The following SHANK2 variants were observed in gnomAD, a reference collection of about 807,000 sequenced individuals.
SHANK2 encodes SH3 and multiple ankyrin repeat domains protein 2.
Under a neutral mutation model 133.7 loss-of-function variants are expected in SHANK2, and 43 were observed. The ratio of observed to expected loss-of-function variants is 0.32; its 90% CI spans 0.25 to 0.41. SHANK2 has a LOEUF of 0.41. SHANK2 is among the 10% of genes least tolerant of loss of function. The pLI is 1.00. For synonymous variants in SHANK2, 1,017 were observed against 952.8 expected, an observed-to-expected ratio of 1.07 and a Z score of -1.24; for missense variants, 1,994 against 2,235.8, an observed-to-expected ratio of 0.89 and a Z score of 2.18.
At chr11:71,189,015 G>A (rs1953733279) in intron 2 of SHANK2, among the ~76,000 whole-genome samples, 2 of 152,216 alleles carry the variant, frequency 1.3e-5, no homozygotes, top group Non-Finnish European at 2.9e-5. Context: ...CCAGGTCACA[G>A]CAACCACAGA....
chr11:70,499,022 A>T (rs763320732), intron 21 of SHANK2, among the ~76,000 whole-genome samples: 6 of 152,224 alleles, frequency 3.9e-5, no homozygotes, highest in Non-Finnish European at 8.8e-5. Flanking sequence ...CTTTTGTTCC[A>T]CATGGCCTTT....
At chr11:71,108,728 C>T (rs1302359116) in intron 6 of SHANK2, among the ~76,000 whole-genome samples, 10 of 152,212 alleles carry the variant, frequency 6.6e-5, no homozygotes, top group East Asian at 1.9e-4. Context: ...CCCCTATCCC[C>T]GGGGGCACTC....
intron 14 of SHANK2, among the ~76,000 whole-genome samples, chr11:70,711,726 A>G (rs1945788356): frequency 6.6e-6 from 1 of 152,252 alleles, no homozygotes; most frequent in South Asian, 2.1e-4. Flanking sequence ...AGAGGCACAG[A>G]GCTTTGATTT....
chr11:70,587,435 G>A (rs966776321), intron 17 of SHANK2, among the ~76,000 whole-genome samples: 2 of 152,130 alleles, frequency 1.3e-5, no homozygotes, highest in Non-Finnish European at 2.9e-5. Context: ...AGGGAAAAAC[G>A]AAATTGGTCT....
intron 17 of SHANK2, among the ~76,000 whole-genome samples, chr11:70,593,965 G>T (rs780702312): frequency 6.6e-6 from 1 of 152,188 alleles, no homozygotes; most frequent in East Asian, 1.9e-4. Flanking sequence ...AACCCACGTG[G>T]AGGGTGTGAG....
At chr11:70,677,878 T>C (rs1555017582) in intron 15 of SHANK2, among the ~76,000 whole-genome samples, 1 of 152,230 alleles carries the variant, frequency 6.6e-6, no homozygotes, top group East Asian at 1.9e-4. Context: ...AACGAGCTGC[T>C]TGTCCCAGTT....
chr11:70,906,586 G>A (rs553745087), intron 10 of SHANK2, among the ~76,000 whole-genome samples: 28 of 152,230 alleles, frequency 1.8e-4, no homozygotes, highest in Middle Eastern at 3.4e-3. Context: ...ACACCCCCTC[G>A]CCATAACTGG....
intron 14 of SHANK2, among the ~76,000 whole-genome samples, chr11:70,721,265 AG>A (rs1172500637): frequency 5.3e-5 from 8 of 152,360 alleles, no homozygotes; most frequent in African/African-American, 1.9e-4. Flanking sequence ...GGTTTCCCTC[AG>A]GGACTGCAGC....
chr11:70,605,964 G>A (rs2060571285), intron 17 of SHANK2, among the ~76,000 whole-genome samples: 1 of 152,092 alleles, frequency 6.6e-6, no homozygotes, highest in Non-Finnish European at 1.5e-5. Context: ...CCCTCCTTGG[G>A]GTAAAAAGAT....
intron 17 of SHANK2, among the ~76,000 whole-genome samples, chr11:70,600,284 T>C (rs1554990728): frequency 6.6e-6 from 1 of 151,364 alleles, no homozygotes; most frequent in Non-Finnish European, 1.5e-5. Context: ...CCGGGCGCGG[T>C]GGTGCAAACC....
chr11:71,122,301 G>T lies in SHANK2; in HGVS notation c.208-3269C>A, dbSNP rs1952095988. Among the ~76,000 whole-genome samples, 3 of 152,280 alleles carry T rather than the reference G, an allele frequency of 2.0e-5. No individual in the cohort carries two copies. In the South Asian group the frequency reaches 6.2e-4, roughly 32 times the overall value. On this transcript the variant is annotated intron_variant, in intron 3 of 25. Transcript: ENST00000601538. ...GAAAATGTGGCACATATACACCATGGAATACTATGCAGCCATAAAAAAGAA... is the reference window on the plus strand; with the variant it reads ...GAAAATGTGGCACATATACACCATGTAATACTATGCAGCCATAAAAAAGAA...
chr11:70,666,599 C>A (rs1944682124), intron 15 of SHANK2, among the ~76,000 whole-genome samples: 1 of 152,186 alleles, frequency 6.6e-6, no homozygotes, highest in Non-Finnish European at 1.5e-5. Flanking sequence ...TTGGCCCCTG[C>A]CAGCCTGCCC....
At chr11:70,692,797 C>G (rs1555021365) in intron 15 of SHANK2, among the ~76,000 whole-genome samples, 3 of 152,182 alleles carry the variant, frequency 2.0e-5, no homozygotes, top group African/African-American at 7.2e-5. Flanking sequence ...AAATAGGGAG[C>G]TGTGGACAGT....
intron 17 of SHANK2, among the ~76,000 whole-genome samples, chr11:70,596,133 G>T (rs183777482): frequency 5.5e-4 from 84 of 152,352 alleles, no homozygotes; most frequent in African/African-American, 2.0e-3. Flanking sequence ...AGAGCTGCAG[G>T]AGGATCAATC....
At chr11:71,067,309 G>A (rs1407212055) in intron 9 of SHANK2, among the ~76,000 whole-genome samples, 8 of 152,192 alleles carry the variant, frequency 5.3e-5, no homozygotes, top group Admixed American at 4.6e-4. Flanking sequence ...CAGGCAGACT[G>A]TTTTTTATTA....
intron 17 of SHANK2, among the ~76,000 whole-genome samples, chr11:70,652,913 G>A (rs1024459456): frequency 3.3e-5 from 5 of 152,158 alleles, no homozygotes; most frequent in African/African-American, 2.4e-5. Context: ...TTATCAACAC[G>A]AATACTGGGA....
chr11:70,623,375 C>T (rs61886374), intron 17 of SHANK2, among the ~76,000 whole-genome samples: 24,680 of 152,274 alleles, frequency 0.16, 2,582 homozygotes, highest in Non-Finnish European at 0.24. Context: ...TTATGCTCCA[C>T]GCACCATTTG....
At chr11:71,071,209 C>A (rs1951137194) in intron 9 of SHANK2, among the ~76,000 whole-genome samples, 2 of 152,192 alleles carry the variant, frequency 1.3e-5, no homozygotes, top group Non-Finnish European at 2.9e-5. Flanking sequence ...CCAGCCACAG[C>A]CAAGCCTCAT....
At chr11:70,574,476 T>C (rs1363618384) in intron 17 of SHANK2, among the ~76,000 whole-genome samples, 1 of 152,242 alleles carries the variant, frequency 6.6e-6, no homozygotes, top group African/African-American at 2.4e-5. Flanking sequence ...CTCCCATTCA[T>C]TCATTCAGTC....
Sources: gnomAD v4.1 joint callset for allele counts (sites outside exome capture counted in the v4.1 genomes callset) on GRCh38, gnomAD v4.1.1 for gene constraint, MANE v1.5 for transcripts, NCBI Gene and HGNC (gene_info 2026-07-23, HGNC 2026-07-21) for gene names.